The following RGS7 variants were observed in gnomAD, a reference collection of about 807,000 sequenced individuals.
RGS7 encodes regulator of G-protein signaling 7.
A neutral mutation model predicts 81.1 loss-of-function variants in RGS7; 27 were observed. The observed-to-expected ratio is 0.33, with a 90% confidence interval of 0.25 to 0.46. The LOEUF (loss-of-function observed/expected upper bound fraction) is 0.46, where lower values mean the gene tolerates loss of function less well. Ranked by LOEUF, RGS7 falls within the 20% of genes least tolerant of loss-of-function variation. The probability of loss-of-function intolerance (pLI) is 1.00; values close to 1 mark genes in which losing one functional copy is unlikely to be tolerated. For synonymous variants in RGS7, 208 were observed against 207.7 expected (o/e 1.00, Z -0.01); for missense variants, 396 against 607.4 (o/e 0.65, Z 3.66).
chr1:241,215,607 T>G (rs1412723054), intron 2 of RGS7, among the ~76,000 whole-genome samples: 1 of 152,204 alleles, frequency 6.6e-6, no homozygotes, highest in Non-Finnish European at 1.5e-5. Flanking sequence ...AAACTTCCTT[T>G]CTGACTCCTC....
At chr1:241,306,577 C>T (rs12759333) in intron 2 of RGS7, among the ~76,000 whole-genome samples, 594 of 151,882 alleles carry the variant, frequency 3.9e-3, no homozygotes, top group Non-Finnish European at 7.3e-3. Context: ...TGTCCACACA[C>T]GTACAAACCC....
chr1:241,131,193 A>C (rs1034683778), intron 2 of RGS7, among the ~76,000 whole-genome samples: 1 of 152,172 alleles, frequency 6.6e-6, no homozygotes, highest in Non-Finnish European at 1.5e-5. Context: ...AGTCATATTG[A>C]TTCTCAAATT....
At chr1:241,169,291 C>G (rs566604659) in intron 2 of RGS7, among the ~76,000 whole-genome samples, 3 of 149,646 alleles carry the variant, frequency 2.0e-5, no homozygotes, top group Non-Finnish European at 4.4e-5. Context: ...TTTTCATCCA[C>G]AAATGCCTGT....
intron 2 of RGS7, among the ~76,000 whole-genome samples, chr1:241,274,267 A>G (rs1026731348): frequency 2.0e-5 from 3 of 152,236 alleles, no homozygotes; most frequent in Non-Finnish European, 4.4e-5. Flanking sequence ...AGTACTTGGT[A>G]GTCACTCAAT....
At chr1:240,951,513 G>A (rs1433871587) in intron 4 of RGS7, among the ~76,000 whole-genome samples, 2 of 152,080 alleles carry the variant, frequency 1.3e-5, no homozygotes, top group Non-Finnish European at 2.9e-5. Flanking sequence ...TATCTTGCTG[G>A]GCTCATTAGC....
At chr1:241,094,797 CT>C (rs1326878704) in intron 3 of RGS7, among the ~76,000 whole-genome samples, 1 of 152,174 alleles carries the variant, frequency 6.6e-6, no homozygotes, top group African/African-American at 2.4e-5. Context: ...TATAGCATCA[CT>C]TTCTCAACAC....
intron 4 of RGS7, among the ~76,000 whole-genome samples, chr1:240,947,287 T>C (rs2148421011): frequency 6.6e-6 from 1 of 152,332 alleles, no homozygotes; most frequent in African/African-American, 2.4e-5. Flanking sequence ...TCATCATTCT[T>C]AGAACACGTA....
intron 15 of RGS7, among the ~76,000 whole-genome samples, chr1:240,803,899 C>A (rs1298555519): frequency 6.6e-6 from 1 of 151,638 alleles, no homozygotes; most frequent in East Asian, 1.9e-4. Context: ...CAAGAAATGA[C>A]TCCAGTTCTC....
intron 2 of RGS7, among the ~76,000 whole-genome samples, chr1:241,272,522 T>C (rs993528062): frequency 6.6e-6 from 1 of 152,240 alleles, no homozygotes; most frequent in Admixed American, 6.5e-5. Context: ...TGGCATCTCA[T>C]ATGTGCTTTC....
At chr1:241,194,323 G>A (rs540571008) in intron 2 of RGS7, among the ~76,000 whole-genome samples, 2 of 152,092 alleles carry the variant, frequency 1.3e-5, no homozygotes, top group Non-Finnish European at 2.9e-5. Context: ...GGCACCAATG[G>A]ACATTCAACT....
chr1:241,248,283 C>T (rs2076646843), intron 2 of RGS7, among the ~76,000 whole-genome samples: 1 of 150,432 alleles, frequency 6.6e-6, no homozygotes, highest in Non-Finnish European at 1.5e-5. Flanking sequence ...TTTTTAATTG[C>T]TGTGCATCTT....
intron 3 of RGS7, among the ~76,000 whole-genome samples, chr1:241,092,957 C>T (rs1001461839): frequency 3.3e-5 from 5 of 151,488 alleles, no homozygotes; most frequent in Non-Finnish European, 7.4e-5. Flanking sequence ...TAGCAGTGAA[C>T]TTCTTGGCAA....
At chr1:241,011,405 A>C (rs6693183) in intron 3 of RGS7, among the ~76,000 whole-genome samples, 12,345 of 152,194 alleles carry the variant, frequency 0.081, 1,636 homozygotes, top group African/African-American at 0.28. Flanking sequence ...CTTGCTGGAG[A>C]AGATGAAAGA....
At chr1:240,918,447 C>A (rs1672951996) in intron 6 of RGS7, among the ~76,000 whole-genome samples, 1 of 151,926 alleles carries the variant, frequency 6.6e-6, no homozygotes, top group Non-Finnish European at 1.5e-5. Flanking sequence ...CAGAAAGAAG[C>A]TGGAAAATCT....
At chr1:241,068,284 G>A (rs929224448) in intron 3 of RGS7, among the ~76,000 whole-genome samples, 7 of 72,008 alleles carry the variant, frequency 9.7e-5, no homozygotes, top group East Asian at 1.2e-3. Flanking sequence ...ATAATATTAC[G>A]TGTATAATCA....
intron 6 of RGS7, among the ~76,000 whole-genome samples, chr1:240,910,871 A>G (rs1232674885): frequency 6.6e-6 from 1 of 151,952 alleles, no homozygotes; most frequent in Non-Finnish European, 1.5e-5. Context: ...GGTGTGTGCC[A>G]CAACGCCCAA....
At chr1:240,857,401 T>C (rs1661337981) in intron 9 of RGS7, among the ~76,000 whole-genome samples, 1 of 152,178 alleles carries the variant, frequency 6.6e-6, no homozygotes, top group Non-Finnish European at 1.5e-5. Context: ...GTAATTAAAG[T>C]CCAGAGCTTG....
intron 2 of RGS7, among the ~76,000 whole-genome samples, chr1:241,266,491 C>G (rs61833819): frequency 0.1 from 15,725 of 152,164 alleles, 1,086 homozygotes; most frequent in East Asian, 0.31. Context: ...TATCTTGGTT[C>G]CATAATTGGC....
intron 18 of RGS7, among the ~76,000 whole-genome samples, chr1:240,794,260 T>C (rs1686616851): frequency 6.6e-6 from 1 of 152,164 alleles, no homozygotes; most frequent in African/African-American, 2.4e-5. Flanking sequence ...GTCTCTACTT[T>C]ATTGTGGTAG....
Sources: gnomAD v4.1 joint callset for allele counts (sites outside exome capture counted in the v4.1 genomes callset) on GRCh38, gnomAD v4.1.1 for gene constraint, MANE v1.5 for transcripts, NCBI Gene and HGNC (gene_info 2026-07-23, HGNC 2026-07-21) for gene names.